The following ARHGAP44 variants were observed in gnomAD, a reference collection of about 807,000 sequenced individuals.
The protein encoded by ARHGAP44 is Rho GTPase activating protein 44, also known as rho GTPase-activating protein 44.
In ARHGAP44, 43 loss-of-function variants were observed where a neutral mutation model predicts 106.8. That is an observed-to-expected ratio of 0.40 (90% CI 0.32 to 0.52). The LOEUF (loss-of-function observed/expected upper bound fraction) is 0.52. ARHGAP44 is among the 20% of genes least tolerant of loss of function. The probability of loss-of-function intolerance (pLI) is 0.48; values close to 1 mark genes in which losing one functional copy is unlikely to be tolerated. For synonymous variants in ARHGAP44, 439 were observed against 410.3 expected, an observed-to-expected ratio of 1.07 and a Z score of -0.85; for missense variants, 866 against 1,050.5, an observed-to-expected ratio of 0.82 and a Z score of 2.43.
chr17:12,791,563 T>G (rs1343664291), intron 1 of ARHGAP44, among the ~76,000 whole-genome samples: 1 of 152,180 alleles, frequency 6.6e-6, no homozygotes, highest in African/African-American at 2.4e-5. Context: ...TGTTTATGCC[T>G]CCTCCCTGGC....
intron 1 of ARHGAP44, among the ~76,000 whole-genome samples, chr17:12,892,582 A>G (rs979534495): frequency 2.0e-5 from 3 of 151,500 alleles, no homozygotes; most frequent in African/African-American, 4.9e-5. Flanking sequence ...TATAGCTACC[A>G]TTTTTTCCCT....
intron 2 of ARHGAP44, among the ~76,000 whole-genome samples, chr17:12,895,262 T>TGCA (rs2037170126): frequency 1.3e-5 from 2 of 152,226 alleles, no homozygotes; most frequent in Non-Finnish European, 2.9e-5. Context: ...TTTTTGTCTT[T>TGCA]TACGACAGTA....
At chr17:12,924,215 C>G (rs1598062313) in intron 6 of ARHGAP44, among the ~76,000 whole-genome samples, 1 of 152,254 alleles carries the variant, frequency 6.6e-6, no homozygotes, top group East Asian at 1.9e-4. Context: ...ATTAATTTAT[C>G]TCGTGTTTAA....
At position 12,972,577 on chromosome 17, in the gene ARHGAP44, G is replaced by A. The variant is rs547962691; in HGVS notation, c.1524-725G>A. ...GCAGGAGAATTGCTTGAACCCAGGA[G>A]GCAGAGGTTGCAGTGAGTGGAGATC... On this transcript the variant is annotated intron_variant, in intron 16 of 20. Transcript: ENST00000379672. Among the ~76,000 whole-genome samples, 5 of 152,056 alleles carry A rather than the reference G, an allele frequency of 3.3e-5. 1 individual carries two copies. Among genetic ancestry groups the A allele is most frequent in the African/African-American group, 1.2e-4 (5 of 41,522 alleles).
At chr17:12,884,715 A>G (rs2036834951) in intron 1 of ARHGAP44, among the ~76,000 whole-genome samples, 1 of 151,798 alleles carries the variant, frequency 6.6e-6, no homozygotes, top group African/African-American at 2.4e-5. Flanking sequence ...CATCTACATC[A>G]CCCACTGCGC....
intron 16 of ARHGAP44, among the ~76,000 whole-genome samples, chr17:12,967,971 C>T (rs1370629394): frequency 6.6e-6 from 1 of 152,160 alleles, no homozygotes; most frequent in East Asian, 1.9e-4. Context: ...ACTCTGAATG[C>T]CTCAGTTTCT....
intron 1 of ARHGAP44, among the ~76,000 whole-genome samples, chr17:12,871,669 A>G (rs1481950452): frequency 6.6e-6 from 1 of 152,158 alleles, no homozygotes; most frequent in Non-Finnish European, 1.5e-5. Flanking sequence ...GGGAATTAAC[A>G]ATTCAACGTG....
At chr17:12,811,602 A>G (rs959602361) in intron 1 of ARHGAP44, among the ~76,000 whole-genome samples, 1 of 152,172 alleles carries the variant, frequency 6.6e-6, no homozygotes, top group Non-Finnish European at 1.5e-5. Context: ...GGCCAACTGT[A>G]TATACGTCTG....
At chr17:12,974,910 C>T (rs1264579670) in intron 18 of ARHGAP44, among the ~76,000 whole-genome samples, 1 of 148,320 alleles carries the variant, frequency 6.7e-6, no homozygotes, top group Non-Finnish European at 1.5e-5. Context: ...AGTGCAGAGG[C>T]GCGATCTCGA....
At chr17:12,789,986 C>T in intron 1 of ARHGAP44, 95 bp downstream of exon 1, 1 of 1,243,038 alleles carries the variant, frequency 8.0e-7, no homozygotes. Context: ...CTCCAGTCCT[C>T]CTTGCCTCAG....
intron 1 of ARHGAP44, among the ~76,000 whole-genome samples, chr17:12,812,851 CCTTA>C (rs1474775812): frequency 3.9e-5 from 6 of 152,186 alleles, no homozygotes; most frequent in African/African-American, 1.4e-4. Flanking sequence ...TTTGAACTGA[CCTTA>C]CTTTGGCATT....
intron 1 of ARHGAP44, among the ~76,000 whole-genome samples, chr17:12,834,185 C>T (rs1440431054): frequency 7.2e-5 from 11 of 152,056 alleles, no homozygotes; most frequent in Admixed American, 4.6e-4. Flanking sequence ...AGCATTTTAA[C>T]TCTCAGGAGC....
At chr17:12,837,905 A>G (rs1312532417) in intron 1 of ARHGAP44, among the ~76,000 whole-genome samples, 1 of 152,110 alleles carries the variant, frequency 6.6e-6, no homozygotes, top group Non-Finnish European at 1.5e-5. Context: ...ATATTTGAAG[A>G]TGATCAATGT....
chr17:12,897,138 G>T (rs1329140674), intron 3 of ARHGAP44, among the ~76,000 whole-genome samples: 3 of 152,038 alleles, frequency 2.0e-5, no homozygotes, highest in Non-Finnish European at 4.4e-5. Context: ...ATCCCTCTCA[G>T]CCCCACCAAA....
intron 1 of ARHGAP44, among the ~76,000 whole-genome samples, chr17:12,802,144 T>C (rs1440846298): frequency 6.6e-6 from 1 of 152,362 alleles, no homozygotes; most frequent in African/African-American, 2.4e-5. Flanking sequence ...TTTTAGGCCA[T>C]TGCTACTAAT....
chr17:12,978,077 C>T (rs1296420159), intron 18 of ARHGAP44, among the ~76,000 whole-genome samples: 1 of 116,992 alleles, frequency 8.5e-6, no homozygotes, highest in Non-Finnish European at 1.7e-5. Context: ...TGGCAGGGAA[C>T]AGAAGGAAGA....
At chr17:12,913,968 CAAAA>C (rs58231055) in intron 4 of ARHGAP44, among the ~76,000 whole-genome samples, 1 of 63,442 alleles carries the variant, frequency 1.6e-5, no homozygotes, top group Non-Finnish European at 2.9e-5. Context: ...GATTTTGTCT[CAAAA>C]AAAAAAAAAA....
At chr17:12,867,890 G>A (rs1202247443) in intron 1 of ARHGAP44, among the ~76,000 whole-genome samples, 27 of 152,196 alleles carry the variant, frequency 1.8e-4, no homozygotes, top group Admixed American at 1.8e-3. Context: ...GGAGTAGAGA[G>A]GTGATGTGGT....
rs868412575 is a variant in ARHGAP44, at chr17:12,974,139, C to T, written c.1592C>T (p.Ser531Leu). ...DTNWVARRGSSAGRKVSCAPP... is the reference protein window; with the variant it reads ...DTNWVARRGSLAGRKVSCAPP... ...AACTGGGTGGCTCGAAGAGGCTCCT[C>T]GGCCGGTCGGAAAGTGTCCTGCGCC... The change falls in exon 18 of 21, where the codon TCG becomes TTG. Residue 531 changes from serine (S) to leucine (L), a missense_variant. Ser to Leu is a moderately radical substitution (Grantham distance 145). Transcript: ENST00000379672. The T allele has an allele frequency of 9.6e-6, 15 of 1,565,062 alleles. No homozygotes were observed. In the South Asian group the frequency reaches 1.4e-4, roughly 15 times the overall value.
Sources: allele counts gnomAD v4.1 joint callset (sites outside exome capture counted in the v4.1 genomes callset), GRCh38; gene constraint gnomAD v4.1.1; transcripts MANE v1.5; gene names NCBI Gene and HGNC (gene_info 2026-07-23, HGNC 2026-07-21).